The following SLC35E1 variants were observed in gnomAD, a reference collection of about 807,000 sequenced individuals.
SLC35E1 encodes solute carrier family 35 member E1.
SLC35E1 carries 12 observed loss-of-function variants against 31.0 expected under a neutral mutation model. The ratio of observed to expected loss-of-function variants is 0.39; its 90% confidence interval spans 0.25 to 0.63. The LOEUF (loss-of-function observed/expected upper bound fraction) is 0.63. Ranked by LOEUF, SLC35E1 falls within the 20% of genes least tolerant of loss-of-function variation. The pLI, the probability that SLC35E1 is intolerant of heterozygous loss-of-function variation, is 0.52. For synonymous variants in SLC35E1, 257 were observed against 264.1 expected, an observed-to-expected ratio of 0.97 and a Z score of 0.26; for missense variants, 429 against 572.2, an observed-to-expected ratio of 0.75 and a Z score of 2.55.
intron 2 of SLC35E1, 103 bp downstream of exon 2, chr19:16,571,409 A>G (rs2085957429): frequency 1.7e-5 from 21 of 1,219,652 alleles, no homozygotes; most frequent in Non-Finnish European, 2.5e-5. Context: ...TTTGACGGGA[A>G]GCCAGGCAGC....
Position 16,552,093 on chromosome 19 carries a change from T to C in SLC35E1, c.*1586A>G, listed in dbSNP as rs1042139590. On this transcript the variant is annotated 3_prime_UTR_variant, in exon 6 of 6. Transcript: ENST00000595753. The stretch of plus-strand genomic sequence containing the variant: ...TCTGATTTGGCAAACCAAATCTTAG[T>C]GCAGTGTTCGCTCCTCGTCCCCTTA... The C allele has an allele frequency of 6.6e-6, 1 of 152,096 alleles. No homozygotes were observed. The highest frequency in any genetic ancestry group is 2.4e-5 in the African/African-American group (1 of 41,398). The allele number at this position is 152,096 out of a possible 1,614,324, so 9.4% of individuals were successfully genotyped here. A position where few individuals can be genotyped will look rare whatever the true frequency, so the allele number is the denominator to read the frequency against.
At chr19:16,571,431 G>T in intron 2 of SLC35E1, 81 bp downstream of exon 2, 2 of 1,468,232 alleles carry the variant, frequency 1.4e-6, no homozygotes, top group South Asian at 1.1e-5. Context: ...TGCAGACCAG[G>T]ATCCTGACCA....
intron 2 of SLC35E1, among the ~76,000 whole-genome samples, chr19:16,570,769 C>A (rs940502475): frequency 2.0e-5 from 3 of 152,232 alleles, no homozygotes; most frequent in African/African-American, 7.2e-5. Context: ...GGCTTCTGAT[C>A]CCAGAGGTCC....
chr19:16,571,439 C>A, intron 2 of SLC35E1, 73 bp downstream of exon 2: 2 of 1,520,642 alleles, frequency 1.3e-6, no homozygotes, highest in Non-Finnish European at 1.8e-6. Flanking sequence ...AGGATCCTGA[C>A]CACGTCACCA....
At position 16,559,781 on chromosome 19, in the gene SLC35E1, C is replaced by T. The variant is rs190549676; in HGVS notation, c.757-4384G>A. ...CTGCTTTAAAGTCTGTCTGATAATC[C>T]CAACATCTGTATCATTGCACTGTTG... On this transcript the variant is annotated intron_variant, in intron 4 of 5. Transcript: ENST00000595753. Among the ~76,000 whole-genome samples the T allele has an allele frequency of 5.9e-3, 893 of 152,250 alleles. 4 individuals are homozygous for T. Among genetic ancestry groups the T allele is most frequent in the Non-Finnish European group, 8.2e-3 (557 of 68,024 alleles).
intron 4 of SLC35E1, among the ~76,000 whole-genome samples, chr19:16,559,705 A>C (rs1213994028): frequency 6.6e-6 from 1 of 152,110 alleles, no homozygotes; most frequent in Non-Finnish European, 1.5e-5. Context: ...CTATCTGTTC[A>C]CATTTGTCTC....
intron 4 of SLC35E1, chr19:16,557,129 G>T: frequency 2.9e-6 from 1 of 347,858 alleles, no homozygotes; most frequent in Non-Finnish European, 5.7e-6. Context: ...CAACCAATCT[G>T]GTTTAAAACA....
intron 4 of SLC35E1, among the ~76,000 whole-genome samples, chr19:16,558,916 C>G (rs1311983047): frequency 6.6e-6 from 1 of 151,312 alleles, no homozygotes; most frequent in Non-Finnish European, 1.5e-5. Flanking sequence ...ATTACAGGCA[C>G]GTGCCACCAC....
Position 16,555,461 on chromosome 19 carries a change from C to T in SLC35E1, c.757-64G>A, listed in dbSNP as rs879533699. On this transcript the variant is annotated intron_variant, in intron 4 of 5. Transcript: ENST00000595753. This position sits in a 1 kb window ranked among gnomAD's most constrained non-coding sequence, Gnocchi z 4.1. ...CAGCGGTGACCCTGCCTCCCTGTAT[C>T]CACCTGGCAGGGTTAGGGGAAGGGA... The T allele has an allele frequency of 1.3e-6, 2 of 1,582,438 alleles. No homozygotes were observed. The highest frequency in any genetic ancestry group is 2.7e-5 in the African/African-American group (2 of 74,526).
intron 4 of SLC35E1, among the ~76,000 whole-genome samples, chr19:16,557,414 C>A (rs367602074): frequency 6.6e-6 from 1 of 152,014 alleles, no homozygotes; most frequent in Admixed American, 6.6e-5. Context: ...AGGATGGTCT[C>A]GATCTCCTGA....
intron 4 of SLC35E1, among the ~76,000 whole-genome samples, chr19:16,564,558 G>A (rs1435763013): frequency 6.6e-6 from 1 of 151,894 alleles, no homozygotes; most frequent in Non-Finnish European, 1.5e-5. Context: ...TGCCCACCTC[G>A]GCCTCCCAAA....
chr19:16,572,066 C>T lies in SLC35E1; in HGVS notation c.299G>A (p.Gly100Asp). 6.5e-7 allele frequency: 1 copy of T among 1,538,928 alleles called. No individual in the cohort carries two copies. The highest frequency in any genetic ancestry group is 2.0e-5 in the Admixed American group (1 of 50,200). Reference protein sequence around the residue: ...GPGPSPHPSSGPLLPPRFYPR... With the variant: ...GPGPSPHPSSDPLLPPRFYPR... ...GTAGAAGCGCGGCGGCAGCAGCGGG[C>T]CGGACGACGGATGCGGACTGGGTCC... The change falls in exon 1 of 6, where the codon GGC (glycine) becomes GAC (aspartate). Residue 100 changes from glycine (G) to aspartate (D), a missense_variant. Coordinates refer to ENST00000595753, the MANE Select transcript of SLC35E1 (RefSeq NM_024881.5). This position sits in a 1 kb window ranked among gnomAD's most constrained non-coding sequence, Gnocchi z 4.1.
chr19:16,568,242 G>C, intron 2 of SLC35E1, 73 bp from the exon 3 acceptor site: 1 of 1,500,492 alleles, frequency 6.7e-7, no homozygotes. Context: ...GATGCCCAGG[G>C]AAGAGCCCCT....
At position 16,568,143 on chromosome 19, in the gene SLC35E1, G is replaced by A; in HGVS notation, c.519C>T (p.Ile173=). ...TKVYLSLIPI[I]SGVLLATVTE... is the part of the protein sequence containing the mutation. The stretch of plus-strand genomic sequence containing the variant: ...TGACGGTGGCCAGCAGGACACCGCT[G>A]ATGATGGGGATGAGTGACAAGTATA... Residue 173 remains isoleucine (I), a synonymous_variant, in exon 3 of 6, where the codon ATC becomes ATT. Coordinates refer to ENST00000595753, the MANE Select transcript of SLC35E1 (RefSeq NM_024881.5). 1.2e-6 allele frequency: 2 copies of A among 1,612,722 alleles called. No individual in the cohort carries two copies. The highest frequency in any genetic ancestry group is 2.2e-5 in the East Asian group (1 of 44,816).
chr19:16,553,227 C>G lies in SLC35E1; in HGVS notation c.*452G>C, dbSNP rs1042759972. ...GCGCCAGGGAATTAAACTAGCCAGT[C>G]TGACGTTCTCAAGCACCGCCCTGGA... On this transcript the variant is annotated 3_prime_UTR_variant, in exon 6 of 6. Coordinates refer to ENST00000595753, the MANE Select transcript of SLC35E1 (RefSeq NM_024881.5). 4 of 152,860 alleles carry G rather than the reference C, an allele frequency of 2.6e-5. No homozygotes were observed. The highest frequency in any genetic ancestry group is 9.6e-5 in the African/African-American group (4 of 41,452). The allele number at this position is 152,860 out of a possible 1,614,324, so 9.5% of individuals were successfully genotyped here.
rs1985857 is a variant in SLC35E1, at chr19:16,553,453, A to G, written c.*226T>C. The G allele has an allele frequency of 0.037, 13,937 of 375,128 alleles. 316 individuals carry two copies. Among genetic ancestry groups the G allele is most frequent in the Middle Eastern group, 0.087 (130 of 1,494 alleles). The allele number at this position is 375,128 out of a possible 1,614,324, so 23.2% of individuals were successfully genotyped here. ...ACAGACTCCAGGAAGAAAGAGCATG[A>G]GACACTGGTCTCTGTTTAGGTTTGC... On this transcript the variant is annotated 3_prime_UTR_variant, in exon 6 of 6. Coordinates refer to ENST00000595753, the MANE Select transcript of SLC35E1 (RefSeq NM_024881.5).
At chr19:16,563,877 A>C (rs1465528928) in intron 4 of SLC35E1, among the ~76,000 whole-genome samples, 3 of 152,242 alleles carry the variant, frequency 2.0e-5, no homozygotes, top group Non-Finnish European at 4.4e-5. Context: ...GTACAGTAGA[A>C]TAACATCAGT....
rs1432576245 is a variant in SLC35E1, at chr19:16,550,489, G to A, written c.*3190C>T. The A allele has an allele frequency of 6.6e-6, 1 of 152,340 alleles. No individual in the cohort carries two copies. The highest frequency in any genetic ancestry group is 2.4e-5 in the African/African-American group (1 of 41,460). The allele number at this position is 152,340 out of a possible 1,614,324, so 9.4% of individuals were successfully genotyped here. A position where few individuals can be genotyped will look rare whatever the true frequency, so the allele number is the denominator to read the frequency against. On this transcript the variant is annotated 3_prime_UTR_variant, in exon 6 of 6. Transcript: ENST00000595753. ...CTCATGCCTGTCATCCTAGCACTTTGGGAGGCCAAGGTGGGCGGATCATTT... is the reference window on the plus strand; with the variant it reads ...CTCATGCCTGTCATCCTAGCACTTTAGGAGGCCAAGGTGGGCGGATCATTT...
chr19:16,565,187 G>C, intron 4 of SLC35E1: 1 of 445,434 alleles, frequency 2.2e-6, no homozygotes, highest in Middle Eastern at 3.3e-4. Flanking sequence ...GACCAGGGAG[G>C]AACTGAGCTG....
Sources: allele counts gnomAD v4.1 joint callset (sites outside exome capture counted in the v4.1 genomes callset), GRCh38; gene constraint gnomAD v4.1.1; non-coding constraint Gnocchi (gnomAD v3.1); transcripts MANE v1.5; gene names NCBI Gene and HGNC (gene_info 2026-07-23, HGNC 2026-07-21).